PKHD1L1: variants seen among roughly 807,000 people sequenced by gnomAD.
PKHD1L1 encodes fibrocystin-L.
In PKHD1L1, 434 loss-of-function variants were observed where a neutral mutation model predicts 462.9. That is an observed-to-expected ratio of 0.94 (90% CI 0.87 to 1.02). The LOEUF (loss-of-function observed/expected upper bound fraction) is 1.02, where lower values mean the gene tolerates loss of function less well. PKHD1L1 is among the 50% of genes least tolerant of loss of function. The pLI, the probability that PKHD1L1 is intolerant of heterozygous loss-of-function variation, is 0.00. For missense variants in PKHD1L1, 5,202 were observed against 5,096.1 expected (o/e 1.02, Z -0.63); for synonymous variants, 1,781 against 1,750.0 (o/e 1.02, Z -0.44).
intron 69 of PKHD1L1, 55 bp downstream of exon 69, chr8:109,507,950 A>G: frequency 1.9e-6 from 3 of 1,572,938 alleles, no homozygotes; most frequent in Middle Eastern, 1.7e-4. Flanking sequence ...GAAACAAAAT[A>G]TGTTTTATTT....
chr8:109,478,350 A>G (rs1818103788), intron 53 of PKHD1L1, among the ~76,000 whole-genome samples: 2 of 152,304 alleles, frequency 1.3e-5, no homozygotes, highest in East Asian at 3.9e-4. Context: ...CATTACACTC[A>G]TATTCAATCC....
In PKHD1L1 at chr8:109,413,935, G is replaced by A. The variant is rs115523186; in HGVS notation, c.2360+390G>A. 2.4e-3 allele frequency among the ~76,000 whole-genome samples: 372 copies of A among 152,070 alleles called. 1 individual carries two copies. Among genetic ancestry groups the A allele is most frequent in the African/African-American group, 8.5e-3 (352 of 41,504 alleles). ...TTATAGTTTGATCACTGAAAAAAAA[G>A]GAAGTAGAGAGATTTTGAAATAATG... On this transcript the variant is annotated intron_variant, in intron 21 of 77. Coordinates refer to ENST00000378402, the MANE Select transcript of PKHD1L1 (RefSeq NM_177531.6).
At chr8:109,482,697 T>C (rs1050173518) in intron 56 of PKHD1L1, among the ~76,000 whole-genome samples, 1 of 151,738 alleles carries the variant, frequency 6.6e-6, no homozygotes, top group Admixed American at 6.6e-5. Context: ...CCTATTGATG[T>C]ATATTTGGAT....
intron 30 of PKHD1L1, among the ~76,000 whole-genome samples, chr8:109,438,117 CTAT>C (rs1223767816): frequency 1.3e-5 from 2 of 152,234 alleles, no homozygotes; most frequent in Admixed American, 6.5e-5. Flanking sequence ...CATAAAACTA[CTAT>C]GTCATGTAAC....
intron 68 of PKHD1L1, among the ~76,000 whole-genome samples, chr8:109,505,084 C>G (rs1012095663): frequency 1.3e-5 from 2 of 151,934 alleles, no homozygotes. Flanking sequence ...GAGACAGGGT[C>G]TTTCTATGTT....
rs1404717747 is a variant in PKHD1L1 at position 109,406,421 on chromosome 8, A to G, written c.1756A>G (p.Ile586Val). The G allele has an allele frequency of 1.3e-6, 2 of 1,595,584 alleles. No individual in the cohort carries two copies. The highest frequency in any genetic ancestry group is 1.3e-5 in the African/African-American group (1 of 74,664). Residue 586 changes from isoleucine (I) to valine (V), a missense_variant, in exon 17 of 78, where the codon ATA (isoleucine) becomes GTA (valine). Physicochemically the swap from Ile to Val is conservative, Grantham distance 29. This residue lies in a region of PKHD1L1 where 4,497 missense variants were observed against 4,336.8 expected (regional missense o/e 1.04). Coordinates refer to ENST00000378402, the MANE Select transcript of PKHD1L1 (RefSeq NM_177531.6). The stretch of plus-strand genomic sequence containing the variant: ...TATAAAACCGGACACAGTTCAAGTA[A>G]TAAGAACACAAAATCCCCAGAGCTA... ...WSIKPDTVQV[I>V]RTQNPQSYVY...
At chr8:109,407,380 G>T (rs1813613595) in intron 17 of PKHD1L1, among the ~76,000 whole-genome samples, 3 of 152,112 alleles carry the variant, frequency 2.0e-5, no homozygotes, top group Admixed American at 2.0e-4. Context: ...ACATCAGAGA[G>T]AAATTTTAAG....
intron 36 of PKHD1L1, 75 bp from the exon 37 acceptor site, chr8:109,443,601 G>A: frequency 8.8e-7 from 1 of 1,130,774 alleles, no homozygotes; most frequent in Non-Finnish European, 1.2e-6. Flanking sequence ...TCAAAATAAA[G>A]AGTAACGCAG....
At chr8:109,473,184 A>C (rs1586584782) in intron 50 of PKHD1L1, among the ~76,000 whole-genome samples, 1 of 152,296 alleles carries the variant, frequency 6.6e-6, no homozygotes, top group Non-Finnish European at 1.5e-5. Context: ...ATTATTAAGA[A>C]ATGTCAGGTT....
intron 38 of PKHD1L1, among the ~76,000 whole-genome samples, chr8:109,446,794 G>C (rs182570725): frequency 4.6e-5 from 7 of 152,134 alleles, no homozygotes; most frequent in African/African-American, 1.7e-4. Flanking sequence ...TTGCAGACAT[G>C]TGAGAACTGA....
chr8:109,497,232 CTA>C lies in PKHD1L1; in HGVS notation c.10563_10564del (p.Ser3522ThrfsTer6). 6.2e-7 allele frequency: 1 copy of C among 1,613,160 alleles called. No homozygotes were observed. The highest frequency in any genetic ancestry group is 1.3e-5 in the African/African-American group (1 of 74,902). On this transcript the variant is annotated frameshift_variant, in exon 65 of 78. Coordinates refer to ENST00000378402, the MANE Select transcript of PKHD1L1 (RefSeq NM_177531.6). LOFTEE classifies it high-confidence loss of function. ...TTTCCAATGATTTACATGCCAGCTG[CTA>C]TATCACACAAAATTTCCAGTAAAAA...
At chr8:109,406,597 T>A in intron 17 of PKHD1L1, 119 bp downstream of exon 17, 1 of 1,183,798 alleles carries the variant, frequency 8.4e-7, no homozygotes, top group Non-Finnish European at 1.1e-6. Context: ...AAGCAGAAAT[T>A]AAATGGTTTT....
chr8:109,386,183 T>C (rs535477209), intron 6 of PKHD1L1, among the ~76,000 whole-genome samples: 2 of 152,222 alleles, frequency 1.3e-5, no homozygotes, highest in Non-Finnish European at 2.9e-5. Flanking sequence ...GATAGTAACC[T>C]TGGCTAGTTA....
chr8:109,423,034 T>C (rs1814554124), intron 23 of PKHD1L1, among the ~76,000 whole-genome samples: 2 of 152,202 alleles, frequency 1.3e-5, no homozygotes, highest in South Asian at 4.1e-4. Context: ...AATGTCTAGG[T>C]ATAATTCTTT....
chr8:109,419,617 T>C (rs953565962), intron 22 of PKHD1L1, among the ~76,000 whole-genome samples: 2 of 152,168 alleles, frequency 1.3e-5, no homozygotes, highest in East Asian at 3.9e-4. Flanking sequence ...ACTACTGACA[T>C]TGACATCTGT....
chr8:109,365,544 G>C (rs1001733001), intron 2 of PKHD1L1, among the ~76,000 whole-genome samples: 1 of 152,062 alleles, frequency 6.6e-6, no homozygotes. Flanking sequence ...CAATATAATT[G>C]TTAAAGATTA....
At chr8:109,409,060 T>A (rs1271906682) in intron 18 of PKHD1L1, among the ~76,000 whole-genome samples, 3 of 152,292 alleles carry the variant, frequency 2.0e-5, no homozygotes, top group South Asian at 4.1e-4. Context: ...TAAGTTAAAA[T>A]CTGTTTGCAG....
chr8:109,430,154 C>G (rs16879547), intron 27 of PKHD1L1, 117 bp downstream of exon 27: 30,792 of 628,182 alleles, frequency 0.049, 1,227 homozygotes, highest in Admixed American at 0.18. Context: ...AGCAAGCAAA[C>G]AGTTCTACAT....
Position 109,489,961 on chromosome 8 carries a change from G to C in PKHD1L1, c.9890G>C (p.Arg3297Thr), listed in dbSNP as rs201340021. 2.0e-4 allele frequency: 324 copies of C among 1,595,716 alleles called. 1 individual carries two copies. The highest frequency in any genetic ancestry group is 2.6e-4 in the Non-Finnish European group (299 of 1,165,514). The part of the protein sequence containing the change: ...ENMMTFKGNA[R>T]ISNVEFYHSG... Reference sequence around the variant, plus strand: ...TCTTTCCCTACCTTAGGAAATGCAAGAATAAGTAATGTGGAATTTTATCAC... The same window carrying C: ...TCTTTCCCTACCTTAGGAAATGCAACAATAAGTAATGTGGAATTTTATCAC... Residue 3297 changes from arginine to threonine, a missense_variant, in exon 60 of 78, where the codon AGA becomes ACA. By Grantham distance (71) the Arg-to-Thr change is moderately conservative. Around this residue, in one of 3 missense-constraint regions of PKHD1L1, gnomAD observed 4,497 missense variants for 4,336.8 expected, o/e 1.04. Coordinates refer to ENST00000378402, the MANE Select transcript of PKHD1L1 (RefSeq NM_177531.6).
Sources: gnomAD v4.1 joint callset for allele counts (sites outside exome capture counted in the v4.1 genomes callset) on GRCh38, gnomAD v4.1.1 for gene constraint, gnomAD v4.1.1 regional missense constraint, MANE v1.5 for transcripts, NCBI Gene and HGNC (gene_info 2026-07-23, HGNC 2026-07-21) for gene names.